MYO1D: variants seen among roughly 807,000 people sequenced by gnomAD.
MYO1D encodes myosin ID.
A neutral mutation model predicts 122.0 loss-of-function variants in MYO1D; 83 were observed. The ratio of observed to expected loss-of-function variants is 0.68; its 90% CI spans 0.57 to 0.82. The LOEUF (loss-of-function observed/expected upper bound fraction) is 0.82, where lower values mean the gene tolerates loss of function less well. Ranked by LOEUF, MYO1D falls within the 40% of genes least tolerant of loss-of-function variation. MYO1D has a pLI of 0.00. For synonymous variants in MYO1D, 464 were observed against 446.9 expected (o/e 1.04, Z -0.48); for missense variants, 1,157 against 1,269.5 (o/e 0.91, Z 1.35).
At chr17:32,792,884 T>G (rs927029932) in intron 1 of MYO1D, among the ~76,000 whole-genome samples, 2 of 151,898 alleles carry the variant, frequency 1.3e-5, no homozygotes, top group African/African-American at 4.8e-5. Context: ...CCACAAATGA[T>G]CCCCCTACCT....
chr17:32,756,651 G>T (rs1023062657), intron 10 of MYO1D, among the ~76,000 whole-genome samples: 1 of 150,426 alleles, frequency 6.6e-6, no homozygotes, highest in Non-Finnish European at 1.5e-5. Flanking sequence ...CATTTCTTTT[G>T]GTTTCCCCAA....
At chr17:32,760,197 C>A in intron 10 of MYO1D, 93 bp downstream of exon 10, 1 of 1,053,024 alleles carries the variant, frequency 9.5e-7, no homozygotes, top group Non-Finnish European at 1.5e-6. Context: ...GTTTCAAATA[C>A]CCCCAAAAGA....
chr17:32,859,779 T>C (rs1041061645), intron 1 of MYO1D, among the ~76,000 whole-genome samples: 4 of 152,252 alleles, frequency 2.6e-5, no homozygotes, highest in African/African-American at 9.6e-5. Flanking sequence ...CTATTCTGTC[T>C]ACATAGCTTG....
chr17:32,594,611 T>C, intron 21 of MYO1D: 1 of 645,224 alleles, frequency 1.5e-6, no homozygotes, highest in Non-Finnish European at 2.8e-6. Flanking sequence ...GAAATAGGCT[T>C]TTTCTTTTAG....
chr17:32,805,811 C>T lies in MYO1D; in HGVS notation c.96-25027G>A, dbSNP rs538940585. On this transcript the variant is annotated intron_variant, in intron 1 of 21. Transcript: ENST00000318217. ...TCTGGAAGAGCTTTTTCAAAGATTA[C>T]GTGTTCCTTCCTAGAGTTACTCCCT... is the stretch of plus-strand genomic sequence containing the variant. Among the ~76,000 whole-genome samples the T allele has an allele frequency of 3.3e-5, 5 of 152,298 alleles. No individual in the cohort carries two copies. The East Asian group carries it at 7.7e-4, about 23-fold the overall frequency.
intron 16 of MYO1D, among the ~76,000 whole-genome samples, chr17:32,700,202 T>G (rs1310201391): frequency 6.6e-6 from 1 of 152,220 alleles, no homozygotes; most frequent in Non-Finnish European, 1.5e-5. Flanking sequence ...TTCTATGGAC[T>G]GGGAGGTGGT....
chr17:32,527,107 C>T lies in MYO1D; in HGVS notation c.2865-32192G>A, dbSNP rs547662226. On this transcript the variant is annotated intron_variant, in intron 21 of 21. Coordinates refer to ENST00000318217, the MANE Select transcript of MYO1D (RefSeq NM_015194.3). The stretch of plus-strand genomic sequence containing the variant: ...GTAAGACCACAGTGGGGTCTTTCCC[C>T]GGCCCGCCATCACCAGTGAAGGGGG... 1.6e-4 allele frequency among the ~76,000 whole-genome samples: 24 copies of T among 152,294 alleles called. No homozygotes were observed. The East Asian group carries it at 4.0e-3, about 26-fold the overall frequency.
At chr17:32,543,544 C>T (rs1397383820) in intron 21 of MYO1D, among the ~76,000 whole-genome samples, 1 of 151,254 alleles carries the variant, frequency 6.6e-6, no homozygotes, top group Non-Finnish European at 1.5e-5. Context: ...CCACTGCACT[C>T]CAGCCTGCGC....
At chr17:32,577,447 G>T (rs1432060713) in intron 21 of MYO1D, among the ~76,000 whole-genome samples, 1 of 152,024 alleles carries the variant, frequency 6.6e-6, no homozygotes, top group African/African-American at 2.4e-5. Flanking sequence ...AAGTGATTTA[G>T]AACAGAGATA....
At chr17:32,813,324 G>C (rs991957421) in intron 1 of MYO1D, among the ~76,000 whole-genome samples, 5 of 152,228 alleles carry the variant, frequency 3.3e-5, no homozygotes, top group African/African-American at 1.2e-4. Flanking sequence ...ATGCAGACAA[G>C]TAAAAGGAAA....
chr17:32,712,667 G>C (rs2089393500), intron 15 of MYO1D, among the ~76,000 whole-genome samples: 1 of 152,076 alleles, frequency 6.6e-6, no homozygotes, highest in African/African-American at 2.4e-5. Context: ...CAGATCTCTA[G>C]ATAAAAAAAC....
At chr17:32,664,216 G>A (rs981069758) in intron 16 of MYO1D, among the ~76,000 whole-genome samples, 4 of 152,232 alleles carry the variant, frequency 2.6e-5, no homozygotes, top group South Asian at 2.1e-4. Context: ...AAATAGATAC[G>A]CTTCCATAAA....
intron 21 of MYO1D, among the ~76,000 whole-genome samples, chr17:32,583,475 C>T (rs1376362179): frequency 3.9e-5 from 6 of 152,156 alleles, no homozygotes; most frequent in East Asian, 3.9e-4. Context: ...TGTCCTCCTC[C>T]TTCCTTCGGG....
At position 32,765,014 on chromosome 17, in the gene MYO1D, AT is replaced by A; in HGVS notation, c.898del (p.Ile300Ter). 6.2e-7 allele frequency: 1 copy of A among 1,614,180 alleles called. No individual in the cohort carries two copies. The highest frequency in any genetic ancestry group is 8.5e-7 in the Non-Finnish European group (1 of 1,180,008). On this transcript the variant is annotated frameshift_variant, in exon 8 of 22. Transcript: ENST00000318217. LOFTEE classifies it high-confidence loss of function. Reference protein sequence around the residue: ...LIENGKVVSIIAELLSTKTDM... With the variant: ...LIENGKVVSIXAELLSTKTDM... The stretch of plus-strand genomic sequence containing the variant: ...TGTCTTAGTAGAGAGCAATTCTGCT[AT>A]GATAGATACTACTTTGCCATTCTCA...
chr17:32,872,918 G>C (rs1047752269), intron 1 of MYO1D, among the ~76,000 whole-genome samples: 1 of 150,750 alleles, frequency 6.6e-6, no homozygotes, highest in Admixed American at 6.6e-5. Context: ...GGATGGTCTG[G>C]ATCTCCTGAC....
At chr17:32,535,411 C>G (rs758498176) in intron 21 of MYO1D, among the ~76,000 whole-genome samples, 65 of 152,224 alleles carry the variant, frequency 4.3e-4, no homozygotes, top group Non-Finnish European at 7.8e-4. Context: ...AGGCTTCAAT[C>G]TCTTTGAAGA....
Position 32,869,501 on chromosome 17 carries a change from A to G in MYO1D, c.95+7277T>C, listed in dbSNP as rs558228909. Among the ~76,000 whole-genome samples the G allele has an allele frequency of 2.6e-5, 4 of 152,354 alleles. No individual in the cohort carries two copies. The East Asian group carries it at 7.7e-4, about 29-fold the overall frequency. ...TCCCCGACTTAGCAGTGGCTGGGCA[A>G]TAATACAATGACCCAAACCAGTTCC... On this transcript the variant is annotated intron_variant, in intron 1 of 21. Transcript: ENST00000318217.
intron 1 of MYO1D, among the ~76,000 whole-genome samples, chr17:32,815,796 C>T (rs1598121829): frequency 6.6e-6 from 1 of 152,184 alleles, no homozygotes; most frequent in Non-Finnish European, 1.5e-5. Flanking sequence ...AAGTGATTAC[C>T]GTCTCTGCCA....
chr17:32,633,691 AC>A (rs2088054795), intron 20 of MYO1D, among the ~76,000 whole-genome samples: 2 of 146,418 alleles, frequency 1.4e-5, no homozygotes, highest in Non-Finnish European at 3.0e-5. Context: ...TCCAGCCCCC[AC>A]CCCCATCCCA....
Sources: gnomAD v4.1 joint callset for allele counts (sites outside exome capture counted in the v4.1 genomes callset) on GRCh38, gnomAD v4.1.1 for gene constraint, MANE v1.5 for transcripts, NCBI Gene and HGNC (gene_info 2026-07-23, HGNC 2026-07-21) for gene names.